Variants in SLC2A3 observed in about 807,000 individuals in gnomAD.
The protein encoded by SLC2A3 is solute carrier family 2, facilitated glucose transporter member 3.
SLC2A3 carries 21 observed loss-of-function variants against 46.4 expected under a neutral mutation model. The ratio of observed to expected loss-of-function variants is 0.45; its 90% CI spans 0.32 to 0.65. The LOEUF (loss-of-function observed/expected upper bound fraction) is 0.65. Ranked by LOEUF, SLC2A3 falls within the 30% of genes least tolerant of loss-of-function variation. SLC2A3 has a pLI of 0.04. For missense variants in SLC2A3, 499 were observed against 623.3 expected, an observed-to-expected ratio of 0.80 and a Z score of 2.12; for synonymous variants, 213 against 239.4, an observed-to-expected ratio of 0.89 and a Z score of 1.02.
chr12:7,926,954 C>T (rs1295255061), intron 6 of SLC2A3, among the ~76,000 whole-genome samples: 1 of 152,076 alleles, frequency 6.6e-6, no homozygotes, highest in East Asian at 1.9e-4. Flanking sequence ...AAATACTGGA[C>T]TCAGACCTCA....
In SLC2A3 at chr12:7,931,173, G is replaced by C. The variant is rs201339897; in HGVS notation, c.510+72C>G. 266 of 1,589,682 alleles carry C rather than the reference G, an allele frequency of 1.7e-4. 1 individual carries two copies. The highest frequency in any genetic ancestry group is 1.4e-4 in the Non-Finnish European group (166 of 1,164,868). Reference sequence around the variant, plus strand: ...GAACATGTGCCAGATATTCTTCAGTGCTTTACCTATGTTAACTTTTTTAAT... The same window carrying C: ...GAACATGTGCCAGATATTCTTCAGTCCTTTACCTATGTTAACTTTTTTAAT... On this transcript the variant is annotated intron_variant, in intron 4 of 9. Transcript: ENST00000075120.
In SLC2A3 at chr12:7,931,468, A is replaced by T; in HGVS notation, c.287T>A (p.Ile96Asn). The T allele has an allele frequency of 2.5e-6, 4 of 1,614,222 alleles. No homozygotes were observed. Among genetic ancestry groups the T allele is most frequent in the Non-Finnish European group, 3.4e-6 (4 of 1,180,040 alleles). Residue 96 changes from isoleucine (I) to asparagine (N), a missense_variant, in exon 4 of 10, where the codon ATT (isoleucine) becomes AAT (asparagine). Physicochemically the swap from Ile to Asn is moderately radical, Grantham distance 149. This residue lies in a region of SLC2A3 where 248 missense variants were observed against 284.0 expected (regional missense o/e 0.87). Transcript: ENST00000075120. ...ACCAGTGACAGCCAACAGGTTGACA[A>T]TCAGCATTGAATTGCGCCTGTAAGG... Reference protein sequence around the residue: ...NRFGRRNSMLIVNLLAVTGGC... With the variant: ...NRFGRRNSMLNVNLLAVTGGC...
At chr12:7,928,911 C>T (rs1946123139) in intron 6 of SLC2A3, among the ~76,000 whole-genome samples, 1 of 151,804 alleles carries the variant, frequency 6.6e-6, no homozygotes, top group Admixed American at 6.6e-5. Flanking sequence ...CCTCAGCCTC[C>T]CGAGTAGTAG....
intron 8 of SLC2A3, among the ~76,000 whole-genome samples, chr12:7,923,787 A>ATTTTTTTT (rs1946065564): frequency 9.6e-6 from 1 of 104,362 alleles, no homozygotes; most frequent in African/African-American, 4.1e-5. Flanking sequence ...TTTTTTTTTG[A>ATTTTTTTT]GAGAGAGTTT....
intron 6 of SLC2A3, among the ~76,000 whole-genome samples, chr12:7,928,160 A>G (rs1366309273): frequency 2.0e-5 from 3 of 151,874 alleles, no homozygotes; most frequent in African/African-American, 7.3e-5. Context: ...AGCATTTAGG[A>G]AGGCCGTGGC....
Position 7,933,107 on chromosome 12 carries a change from C to G in SLC2A3, c.149G>C (p.Gly50Ala), listed in dbSNP as rs189457983. 5.5e-5 allele frequency: 89 copies of G among 1,614,042 alleles called. 1 individual carries two copies. Among genetic ancestry groups the G allele is most frequent in the Non-Finnish European group, 4.1e-5 (48 of 1,179,984 alleles). The change falls in exon 3 of 10, where the codon GGA becomes GCA. Residue 50 changes from glycine to alanine, a missense_variant. Gly to Ala is a moderately conservative substitution (Grantham distance 60). Transcript: ENST00000075120. Reference sequence around the variant, plus strand: ...CAGCACCTCAGAGGGTGGGGCATTTCCCTTGTCCGTCAAAGTTTTATTGAT... The same window carrying G: ...CAGCACCTCAGAGGGTGGGGCATTTGCCTTGTCCGTCAAAGTTTTATTGAT... ...EFINKTLTDK[G>A]NAPPSEVLLT...
chr12:7,932,575 T>C (rs1277286275), intron 3 of SLC2A3: 2 of 165,266 alleles, frequency 1.2e-5, no homozygotes, highest in African/African-American at 4.8e-5. Flanking sequence ...TAAGACTTTT[T>C]TTTTGTCATT....
In SLC2A3 at chr12:7,924,390, T is replaced by C; in HGVS notation, c.1068+20A>G. The C allele has an allele frequency of 6.2e-7, 1 of 1,609,534 alleles. No individual in the cohort carries two copies. Among genetic ancestry groups the C allele is most frequent in the Non-Finnish European group, 8.5e-7 (1 of 1,178,814 alleles). On this transcript the variant is annotated intron_variant, in intron 8 of 9. Coordinates refer to ENST00000075120, the MANE Select transcript of SLC2A3 (RefSeq NM_006931.3). ...TCTCTTCTTTCCCCCTCCCTTTTTT[T>C]TCACCCAAAGAGCACCTACCTTTAA...
chr12:7,932,881 AG>A, intron 3 of SLC2A3, 105 bp downstream of exon 3: 1 of 1,485,298 alleles, frequency 6.7e-7, no homozygotes, highest in Non-Finnish European at 9.1e-7. Flanking sequence ...TTAGAATTCA[AG>A]GTGTTCTTAT....
intron 2 of SLC2A3, 39 bp downstream of exon 2, chr12:7,933,771 C>G (rs766282073): frequency 1.7e-5 from 27 of 1,593,134 alleles, no homozygotes; most frequent in Non-Finnish European, 2.1e-5. Context: ...GGAATAACTT[C>G]CCTATTCTAA....
At chr12:7,923,737 G>T (rs1946064388) in intron 8 of SLC2A3, among the ~76,000 whole-genome samples, 1 of 151,772 alleles carries the variant, frequency 6.6e-6, no homozygotes, top group African/African-American at 2.4e-5. Context: ...TGTGATGACA[G>T]GCATGAACCA....
chr12:7,933,875 T>G lies in SLC2A3; in HGVS notation c.43A>C (p.Thr15Pro), dbSNP rs936288565. The change falls in exon 2 of 10, where the codon ACA becomes CCA. Residue 15 changes from threonine to proline, a missense_variant. By Grantham distance (38) the Thr-to-Pro change is conservative. Transcript: ENST00000075120. The stretch of plus-strand genomic sequence containing the variant: ...TGGAAAGAGCCGATTGTAGCAACTG[T>G]GATGGCAAATATCAGAGCTGGGGTG... The part of the protein sequence containing the change: ...KVTPALIFAI[T>P]VATIGSFQFG... The G allele has an allele frequency of 1.2e-6, 2 of 1,614,012 alleles. No individual in the cohort carries two copies. Among genetic ancestry groups the G allele is most frequent in the Non-Finnish European group, 1.7e-6 (2 of 1,179,944 alleles).
Position 7,933,039 on chromosome 12 carries a change from C to T in SLC2A3, c.217G>A (p.Gly73Arg), listed in dbSNP as rs1015499068. 4 of 1,614,114 alleles carry T rather than the reference C, an allele frequency of 2.5e-6. No individual in the cohort carries two copies. The highest frequency in any genetic ancestry group is 2.2e-5 in the East Asian group (1 of 44,888). Residue 73 changes from glycine to arginine, a missense_variant, in exon 3 of 10, where the codon GGG becomes AGG. By Grantham distance (125) the Gly-to-Arg change is moderately radical. Around this residue, in one of 5 missense-constraint regions of SLC2A3, gnomAD observed 248 missense variants for 284.0 expected, o/e 0.87. Transcript: ENST00000075120. ...WSLSVAIFSVGGMIGSFSVGL... is the reference protein window; with the variant it reads ...WSLSVAIFSVRGMIGSFSVGL... ...ACGGAAAAGGAGCCGATCATACCCCCGACGGAAAATATGGCCACAGACAAG... is the reference window on the plus strand; with the variant it reads ...ACGGAAAAGGAGCCGATCATACCCCTGACGGAAAATATGGCCACAGACAAG...
chr12:7,926,394 C>T (rs1267022939), intron 6 of SLC2A3, among the ~76,000 whole-genome samples: 1 of 152,078 alleles, frequency 6.6e-6, no homozygotes, highest in Non-Finnish European at 1.5e-5. Flanking sequence ...CCTGGCCCTC[C>T]TTTCTCTCTC....
At chr12:7,927,999 G>C (rs1445312490) in intron 6 of SLC2A3, among the ~76,000 whole-genome samples, 1 of 151,980 alleles carries the variant, frequency 6.6e-6, no homozygotes, top group Non-Finnish European at 1.5e-5. Context: ...CTGTAATCTC[G>C]GGAGTCTGAG....
chr12:7,930,303 C>G (rs894549826), intron 5 of SLC2A3, 177 bp downstream of exon 5: 1 of 660,066 alleles, frequency 1.5e-6, no homozygotes, highest in African/African-American at 1.8e-5. Context: ...TTCCTAAACC[C>G]GCCTTTTCAC....
intron 7 of SLC2A3, 121 bp downstream of exon 7, chr12:7,925,723 C>T (rs2121186221): frequency 1.3e-6 from 1 of 784,824 alleles, no homozygotes; most frequent in East Asian, 2.5e-5. Flanking sequence ...TCTCTTTTTC[C>T]CAAAGGAAAA....
intron 3 of SLC2A3, among the ~76,000 whole-genome samples, chr12:7,932,082 G>A (rs970077248): frequency 7.9e-5 from 12 of 151,544 alleles, no homozygotes; most frequent in South Asian, 4.2e-4. Context: ...GGGTTTCACC[G>A]TGTTAGCCAG....
Position 7,921,592 on chromosome 12 carries a change from A to T in SLC2A3, c.1312T>A (p.Phe438Ile). 6.2e-7 allele frequency: 1 copy of T among 1,613,966 alleles called. No homozygotes were observed. Among genetic ancestry groups the T allele is most frequent in the Non-Finnish European group, 8.5e-7 (1 of 1,179,850 alleles). The stretch of plus-strand genomic sequence containing the variant: ...GTAAAAGCCAAGAAGGTAATGAGGA[A>T]GCCGGTGAAGATAATAAAAACGTAG... ...GAYVFIIFTGFLITFLAFTFF... is the reference protein window; with the variant it reads ...GAYVFIIFTGILITFLAFTFF... The change falls in exon 10 of 10, where the codon TTC becomes ATC. Residue 438 changes from phenylalanine to isoleucine, a missense_variant. By Grantham distance (21) the Phe-to-Ile change is conservative (BLOSUM62 0). Coordinates refer to ENST00000075120, the MANE Select transcript of SLC2A3 (RefSeq NM_006931.3).
Sources: allele counts gnomAD v4.1 joint callset (sites outside exome capture counted in the v4.1 genomes callset), GRCh38; gene constraint gnomAD v4.1.1; regional missense constraint gnomAD v4.1.1; transcripts MANE v1.5; gene names NCBI Gene and HGNC (gene_info 2026-07-23, HGNC 2026-07-21).